The following KLF8 variants were observed in gnomAD, a reference collection of about 807,000 sequenced individuals.
KLF8 encodes the protein KLF transcription factor 8.
In KLF8, 10 loss-of-function variants were observed where a neutral mutation model predicts 18.2. The ratio of observed to expected loss-of-function variants is 0.55; its 90% CI spans 0.34 to 0.93. The LOEUF is 0.93. KLF8 is among the 40% of genes least tolerant of loss of function. KLF8 has a pLI of 0.02. For synonymous variants in KLF8, 109 were observed against 97.3 expected (o/e 1.12, Z -0.71); for missense variants, 264 against 277.9 (o/e 0.95, Z 0.36).
At chrX:56,196,281 A>G in the KLF8 span, among the ~76,000 whole-genome samples, 12 of 111,837 alleles carry the variant, frequency 1.1e-4, no homozygotes, top group African/African-American at 3.2e-4. Context: ...AAAGACACAG[A>G]CTGGCAAATT....
At chrX:56,282,245 A>G (rs147537121) in intron 5 of KLF8, among the ~76,000 whole-genome samples, 340 of 112,483 alleles carry the variant, frequency 3.0e-3, no homozygotes, top group African/African-American at 0.01. Flanking sequence ...AGAGACAGAG[A>G]AGGACAGGCA....
chrX:56,041,480 T>TG, the KLF8 span, among the ~76,000 whole-genome samples: 1 of 109,661 alleles, frequency 9.1e-6, no homozygotes, highest in Non-Finnish European at 1.9e-5. Context: ...TATCTATTTT[T>TG]TTTTTTTTCA....
the KLF8 span, among the ~76,000 whole-genome samples, chrX:56,219,694 A>C: frequency 2.3e-4 from 25 of 110,956 alleles, no homozygotes; most frequent in African/African-American, 7.9e-4. Flanking sequence ...TGTTGAAAGA[A>C]TACAAAAATT....
chrX:55,964,402 T>C, the KLF8 span, among the ~76,000 whole-genome samples: 1 of 111,430 alleles, frequency 9.0e-6, no homozygotes, highest in Non-Finnish European at 1.9e-5. Flanking sequence ...ATGGTGAAAC[T>C]TCACCTGTAT....
chrX:56,052,789 G>C, the KLF8 span, among the ~76,000 whole-genome samples: 2 of 111,987 alleles, frequency 1.8e-5, no homozygotes, highest in East Asian at 5.7e-4. Context: ...GCTGCAGTGG[G>C]CTCCACCCAG....
At chrX:56,070,634 G>A in the KLF8 span, among the ~76,000 whole-genome samples, 1 of 110,903 alleles carries the variant, frequency 9.0e-6, no homozygotes, top group African/African-American at 3.3e-5. Context: ...GACCCAGGGA[G>A]GGGAATAACA....
chrX:56,031,904 C>T, the KLF8 span, among the ~76,000 whole-genome samples: 2 of 111,469 alleles, frequency 1.8e-5, no homozygotes, highest in African/African-American at 3.3e-5. Context: ...ATCGATCGAG[C>T]GATCTAGGGG....
chrX:56,137,135 G>C, the KLF8 span, among the ~76,000 whole-genome samples: 2 of 109,693 alleles, frequency 1.8e-5, no homozygotes, highest in Non-Finnish European at 3.8e-5. Context: ...GGAGAAATAG[G>C]AACACTTTTA....
the KLF8 span, among the ~76,000 whole-genome samples, chrX:56,157,590 T>A: frequency 9.0e-6 from 1 of 111,374 alleles, no homozygotes; most frequent in Non-Finnish European, 1.9e-5. Context: ...TTGTAACTGG[T>A]GTGAGATGGT....
At chrX:56,117,745 A>G in the KLF8 span, among the ~76,000 whole-genome samples, 1 of 112,242 alleles carries the variant, frequency 8.9e-6, no homozygotes, top group Non-Finnish European at 1.9e-5. Context: ...TTAACTGTTT[A>G]ATCTAATCCT....
chrX:56,141,401 C>G, the KLF8 span, among the ~76,000 whole-genome samples: 8 of 111,352 alleles, frequency 7.2e-5, no homozygotes, highest in African/African-American at 2.6e-4. Context: ...AAGAATTTAA[C>G]TTTGTTATTC....
At chrX:56,184,547 T>C in the KLF8 span, among the ~76,000 whole-genome samples, 2 of 112,087 alleles carry the variant, frequency 1.8e-5, no homozygotes, top group African/African-American at 3.2e-5. Flanking sequence ...CAGCTGGAGA[T>C]CAGAGAATGG....
At chrX:56,184,738 C>A in the KLF8 span, among the ~76,000 whole-genome samples, 23 of 111,991 alleles carry the variant, frequency 2.1e-4, no homozygotes, top group Admixed American at 7.6e-4. Context: ...GTTCTGCAGC[C>A]ACTGCTGCTG....
At chrX:55,956,166 TATC>T in the KLF8 span, among the ~76,000 whole-genome samples, 8,853 of 96,682 alleles carry the variant, frequency 0.092, 945 homozygotes, top group African/African-American at 0.33. Flanking sequence ...TCTATCTATC[TATC>T]ATCTATCTAT....
chrX:56,284,265 G>T lies in KLF8; in HGVS notation c.899-48G>T, dbSNP rs904647083. On this transcript the variant is annotated intron_variant, in intron 5 of 5. Coordinates refer to ENST00000468660, the MANE Select transcript of KLF8 (RefSeq NM_007250.5). ...GTATTCTATTATCTTTCTAGTATCC[G>T]ATCATCCTCTCTCTGATTCTCTTTT... 7.3e-6 allele frequency: 7 copies of T among 954,286 alleles called. No homozygotes were observed. The African/African-American group carries it at 1.0e-4, about 14-fold the overall frequency. The allele number at this position is 954,286 out of a possible 1,213,427, so 78.6% of individuals were successfully genotyped here.
chrX:56,019,835 G>A, the KLF8 span, among the ~76,000 whole-genome samples: 1 of 111,788 alleles, frequency 8.9e-6, no homozygotes, highest in African/African-American at 3.2e-5. Flanking sequence ...AGACAGACTT[G>A]TTTCCTAGAA....
the KLF8 span, among the ~76,000 whole-genome samples, chrX:56,090,148 T>G: frequency 8.9e-5 from 10 of 111,825 alleles, no homozygotes; most frequent in Admixed American, 8.6e-4. Context: ...CAGCTACACA[T>G]AAAACTATAG....
chrX:56,274,996 G>A (rs923377765), intron 5 of KLF8, among the ~76,000 whole-genome samples: 5 of 111,548 alleles, frequency 4.5e-5, no homozygotes, highest in African/African-American at 1.6e-4. Flanking sequence ...GGTTTTTGTG[G>A]TTCCATGTAA....
the KLF8 span, among the ~76,000 whole-genome samples, chrX:56,096,417 G>A: frequency 9.0e-6 from 1 of 111,257 alleles, no homozygotes; most frequent in Non-Finnish European, 1.9e-5. Flanking sequence ...TAAGAAATCT[G>A]CATTTGTACC....
Sources: allele counts gnomAD v4.1 joint callset (sites outside exome capture counted in the v4.1 genomes callset), GRCh38; gene constraint gnomAD v4.1.1; transcripts MANE v1.5; gene names NCBI Gene and HGNC (gene_info 2026-07-23, HGNC 2026-07-21).